Variants in PRRC2B observed in about 807,000 individuals in gnomAD.
PRRC2B encodes proline rich coiled-coil 2B.
Under a neutral mutation model 242.3 loss-of-function variants are expected in PRRC2B, and 68 were observed. That is an observed-to-expected ratio of 0.28 (90% confidence interval 0.23 to 0.34). PRRC2B has a LOEUF of 0.34. Among genes scored for constraint, PRRC2B ranks in the 10% least tolerant of loss-of-function variants. The pLI is 1.00. For synonymous variants in PRRC2B, 1,228 were observed against 1,173.6 expected (o/e 1.05, Z -0.95); for missense variants, 2,835 against 2,954.8 (o/e 0.96, Z 0.94).
intron 16 of PRRC2B, 84 bp from the exon 17 acceptor site, chr9:131,477,660 C>T (rs2131452444): frequency 9.7e-6 from 8 of 822,650 alleles, no homozygotes; most frequent in East Asian, 5.3e-5. Context: ...ATCAGGGTGC[C>T]GGGCTTGTGT....
rs1188186522 is a variant in PRRC2B at position 131,474,829 on chromosome 9, C to T, written c.2700C>T (p.Ser900=). The T allele has an allele frequency of 6.2e-7, 1 of 1,611,716 alleles. No individual in the cohort carries two copies. Among genetic ancestry groups the T allele is most frequent in the Admixed American group, 1.7e-5 (1 of 59,838 alleles). ...TPREGTAFNI[S]SWDKNGSPNK... Reference sequence around the variant, plus strand: ...GGGAGGGGACGGCCTTTAACATCTCCTCCTGGGACAAGAACGGGAGCCCCA... The same window carrying T: ...GGGAGGGGACGGCCTTTAACATCTCTTCCTGGGACAAGAACGGGAGCCCCA... Residue 900 remains serine, a synonymous_variant, in exon 16 of 32, where the codon TCC becomes TCT. Transcript: ENST00000683519.
intron 19 of PRRC2B, among the ~76,000 whole-genome samples, chr9:131,481,154 C>A (rs1489704869): frequency 4.6e-5 from 7 of 151,274 alleles, no homozygotes; most frequent in African/African-American, 1.7e-4. Flanking sequence ...ACAACAACAA[C>A]AAAAAATTAG....
intron 10 of PRRC2B, among the ~76,000 whole-genome samples, chr9:131,456,359 C>A (rs908638738): frequency 6.6e-6 from 1 of 151,730 alleles, no homozygotes; most frequent in African/African-American, 2.4e-5. Context: ...TGGCCAGGCA[C>A]GGTGGCTCAC....
At chr9:131,420,497 T>TTTCTTTCTTTCGTTCGTTC (rs1837801640) in intron 1 of PRRC2B, among the ~76,000 whole-genome samples, 1 of 16,432 alleles carries the variant, frequency 6.1e-5, no homozygotes, top group African/African-American at 1.4e-4. Context: ...TTCTTTCTTT[T>TTTCTTTCTTTCGTTCGTTC]TTTTTTTTTT....
At chr9:131,477,450 T>C (rs1057222110) in intron 16 of PRRC2B, among the ~76,000 whole-genome samples, 3 of 152,190 alleles carry the variant, frequency 2.0e-5, no homozygotes, top group African/African-American at 4.8e-5. Context: ...GTCTCCATTC[T>C]GAGCATATTC....
chr9:131,471,093 G>A lies in PRRC2B; in HGVS notation c.2107+110G>A, dbSNP rs1234307809. 46 of 693,070 alleles carry A rather than the reference G, an allele frequency of 6.6e-5. No homozygotes were observed. In the East Asian group the frequency reaches 1.4e-3, roughly 21 times the overall value. 42.9% of individuals were successfully genotyped at this position (693,070 alleles called of 1,614,324 possible). A position where few individuals can be genotyped will look rare whatever the true frequency, so the allele number is the denominator to read the frequency against. On this transcript the variant is annotated intron_variant, in intron 14 of 31. Transcript: ENST00000683519. ...CACCTGGATTTTGGTCTGGCTCTTT[G>A]TCAAGTACACAACTGGTCTGAGTTT...
At chr9:131,377,485 TATTTA>T (rs1836702481) in intron 1 of PRRC2B, among the ~76,000 whole-genome samples, 1 of 152,160 alleles carries the variant, frequency 6.6e-6, no homozygotes, top group Non-Finnish European at 1.5e-5. Flanking sequence ...GATGGCATTT[TATTTA>T]ATTTTTCCTT....
At chr9:131,396,325 C>CTTTTTTTTTTTTTTTTTT (rs1165485887) in intron 1 of PRRC2B, among the ~76,000 whole-genome samples, 2 of 132,950 alleles carry the variant, frequency 1.5e-5, no homozygotes, top group Admixed American at 8.0e-5. Context: ...CTTTTCTTTT[C>CTTTTTTTTTTTTTTTTTT]TTTTTTTTTT....
chr9:131,406,955 G>A (rs1209051409), intron 1 of PRRC2B, among the ~76,000 whole-genome samples: 4 of 152,220 alleles, frequency 2.6e-5, no homozygotes, highest in Non-Finnish European at 5.9e-5. Context: ...TGTTTTAACT[G>A]TGCATATGAA....
intron 1 of PRRC2B, among the ~76,000 whole-genome samples, chr9:131,378,240 C>T (rs572629365): frequency 1.4e-5 from 2 of 146,682 alleles, no homozygotes; most frequent in East Asian, 2.0e-4. Context: ...ACCCAGGAGG[C>T]GGAGGTTGCA....
At chr9:131,390,604 T>A, upstream of PRRC2B, among the ~76,000 whole-genome samples, 1 of 142,842 alleles carries the variant, frequency 7.0e-6, no homozygotes. Context: ...TGCCTCAGCC[T>A]CCCGAGTAGC....
At chr9:131,428,156 G>A (rs543844609) in intron 1 of PRRC2B, among the ~76,000 whole-genome samples, 40 of 151,864 alleles carry the variant, frequency 2.6e-4, no homozygotes, top group East Asian at 9.8e-4. Flanking sequence ...TCCTGACCTC[G>A]TGATCCACCC....
intron 1 of PRRC2B, among the ~76,000 whole-genome samples, chr9:131,403,927 AT>A (rs1837291263): frequency 6.6e-6 from 1 of 151,868 alleles, no homozygotes; most frequent in Non-Finnish European, 1.5e-5. Context: ...TCTTATTTTT[AT>A]TTTCAGTAAT....
chr9:131,441,805 G>A (rs79305525), intron 5 of PRRC2B, among the ~76,000 whole-genome samples: 8,629 of 152,230 alleles, frequency 0.057, 328 homozygotes, highest in Admixed American at 0.11. Context: ...CTGATTGCAT[G>A]TTTGGGCAGA....
intron 1 of PRRC2B, among the ~76,000 whole-genome samples, chr9:131,421,890 G>A (rs370371895): frequency 3.3e-5 from 5 of 152,158 alleles, no homozygotes; most frequent in African/African-American, 9.7e-5. Flanking sequence ...GCCGCCTTTC[G>A]TGTCTGCACC....
chr9:131,490,562 G>T (rs774747767), intron 28 of PRRC2B: 4 of 518,994 alleles, frequency 7.7e-6, no homozygotes, highest in Admixed American at 1.9e-5. Flanking sequence ...AGAGGACAGT[G>T]ACTGAGAGAC....
At chr9:131,387,010 C>CT (rs765119375) in intron 1 of PRRC2B, among the ~76,000 whole-genome samples, 1,510 of 148,136 alleles carry the variant, frequency 0.01, 76 homozygotes, top group Non-Finnish European at 0.016. Context: ...TTCTTTCTTT[C>CT]TTTCTTTTTT....
chr9:131,407,526 C>T (rs1252892679), intron 1 of PRRC2B, among the ~76,000 whole-genome samples: 2 of 152,136 alleles, frequency 1.3e-5, no homozygotes, highest in African/African-American at 4.8e-5. Flanking sequence ...TCCTTTGTTA[C>T]TTTAGAACTG....
chr9:131,491,657 C>A, intron 29 of PRRC2B, 77 bp downstream of exon 29: 1 of 1,361,428 alleles, frequency 7.3e-7, no homozygotes, highest in East Asian at 2.6e-5. Context: ...GCTAAGTACC[C>A]CTGTGTGGTA....
Sources: allele counts gnomAD v4.1 joint callset (sites outside exome capture counted in the v4.1 genomes callset), GRCh38; gene constraint gnomAD v4.1.1; transcripts MANE v1.5; gene names NCBI Gene and HGNC (gene_info 2026-07-23, HGNC 2026-07-21).